DERPC: variants seen among roughly 807,000 people sequenced by gnomAD.
The protein encoded by DERPC is DERPC proline and glycine rich nuclear protein, also known as decreased expression in renal and prostate cancer protein.
In DERPC, 1 loss-of-function variant was observed where a neutral mutation model predicts 7.2. That is an observed-to-expected ratio of 0.14 (90% CI 0.05 to 0.66). DERPC has a LOEUF of 0.66. DERPC is among the 30% of genes least tolerant of loss of function. The pLI is 0.84. For missense variants in DERPC, 502 were observed against 299.4 expected (o/e 1.68, Z -4.99); for synonymous variants, 185 against 117.6 (o/e 1.57, Z -3.71).
chr16:69,121,667 T>TG (rs1961675754), intron 1 of DERPC, among the ~76,000 whole-genome samples, 174 bp from the exon 2 acceptor site: 1 of 147,306 alleles, frequency 6.8e-6, no homozygotes, highest in Admixed American at 6.8e-5. Context: ...TTAGTAGAGA[T>TG]GGGGTTTTTT....
At chr16:69,130,197 G>A (rs777442162) in intron 1 of DERPC, among the ~76,000 whole-genome samples, 2 of 152,208 alleles carry the variant, frequency 1.3e-5, no homozygotes, top group Non-Finnish European at 2.9e-5. Flanking sequence ...AGTGTGATAT[G>A]TATCCAATTA....
intron 1 of DERPC, among the ~76,000 whole-genome samples, chr16:69,129,429 CAAAAAAAAAA>C (rs11420871): frequency 1.3e-5 from 1 of 75,602 alleles, no homozygotes; most frequent in African/African-American, 4.9e-5. Context: ...GACTCCGTCA[CAAAAAAAAAA>C]AAAAAAAAAA....
intron 1 of DERPC, among the ~76,000 whole-genome samples, chr16:69,129,284 G>T (rs1962315470): frequency 6.6e-6 from 1 of 151,730 alleles, no homozygotes; most frequent in South Asian, 2.1e-4. Flanking sequence ...CAAAAAATTA[G>T]CCGGGCGTGG....
At position 69,118,963 on chromosome 16, in the gene DERPC, A is replaced by G. The variant is rs187155339; in HGVS notation, c.1466T>C (p.Phe489Ser). The G allele has an allele frequency of 1.4e-6, 1 of 703,056 alleles. No homozygotes were observed. The highest frequency in any genetic ancestry group is 2.7e-5 in the East Asian group (1 of 37,282). 43.6% of individuals were successfully genotyped at this position (703,056 alleles called of 1,614,324 possible). ...GCTCCCCACTCTAGGAAATGGGACG[A>G]AACTCTTGCCTGCAGGGCCATTCAT... Reference protein sequence around the residue: ...PRMNGPAGKSFVPFPRVGSLP... With the variant: ...PRMNGPAGKSSVPFPRVGSLP... Residue 489 changes from phenylalanine (F) to serine (S), a missense_variant, in exon 3 of 3, where the codon TTC becomes TCC. Physicochemically the swap from Phe to Ser is radical, Grantham distance 155 (BLOSUM62 -2). Transcript: ENST00000519520.
chr16:69,125,427 G>C (rs1227912592), intron 1 of DERPC, among the ~76,000 whole-genome samples: 1 of 152,004 alleles, frequency 6.6e-6, no homozygotes, highest in Non-Finnish European at 1.5e-5. Flanking sequence ...CTATGTGACA[G>C]AGTAGAAATC....
chr16:69,119,576 A>G lies in DERPC; in HGVS notation c.853T>C (p.Leu285=), dbSNP rs574628003. The G allele has an allele frequency of 2.8e-5, 20 of 702,532 alleles. No homozygotes were observed. Among genetic ancestry groups the G allele is most frequent in the South Asian group, 2.4e-4 (16 of 67,594 alleles). 43.5% of individuals were successfully genotyped at this position (702,532 alleles called of 1,614,324 possible). Residue 285 remains leucine (L), a synonymous_variant, in exon 3 of 3, where the codon TTA becomes CTA. Transcript: ENST00000519520. The stretch of plus-strand genomic sequence containing the variant: ...GAGAAAGAAGCTGAATTTGCTCCTA[A>G]AAGACCTGCTGCTCTTAGAATGGGG... ...LAPILRAAGL[L]GANSASFSQA... is the part of the protein sequence containing the mutation.
At chr16:69,126,586 T>C (rs546125429) in intron 1 of DERPC, among the ~76,000 whole-genome samples, 1 of 152,332 alleles carries the variant, frequency 6.6e-6, no homozygotes, top group African/African-American at 2.4e-5. Flanking sequence ...TGTCTTATCC[T>C]AGAACTATTG....
rs763651430 is a variant in DERPC at position 69,119,376 on chromosome 16, T to C, written c.1053A>G (p.Pro351=). Residue 351 remains proline, a synonymous_variant, in exon 3 of 3, where the codon CCA becomes CCG. Coordinates refer to ENST00000519520, the MANE Select transcript of DERPC (RefSeq NM_001002847.4). ...IGPNSAHFSR[P]VGPMGVNANP... is the part of the protein sequence containing the mutation. ...TGGCATTTACCCCCATGGGGCCAACTGGCCTTGAGAAATGAGCTGAATTAG... is the reference window on the plus strand; with the variant it reads ...TGGCATTTACCCCCATGGGGCCAACCGGCCTTGAGAAATGAGCTGAATTAG... 5.7e-6 allele frequency: 4 copies of C among 703,018 alleles called. No individual in the cohort carries two copies. Among genetic ancestry groups the C allele is most frequent in the Non-Finnish European group, 7.8e-6 (3 of 384,972 alleles). 43.5% of individuals were successfully genotyped at this position (703,018 alleles called of 1,614,324 possible).
At chr16:69,122,441 C>A (rs957368566) in intron 1 of DERPC, among the ~76,000 whole-genome samples, 5 of 151,380 alleles carry the variant, frequency 3.3e-5, no homozygotes, top group African/African-American at 1.2e-4. Context: ...GGCGCCATCT[C>A]GGCTCACTGC....
At chr16:69,123,098 C>A (rs1453589113) in intron 1 of DERPC, among the ~76,000 whole-genome samples, 1 of 152,168 alleles carries the variant, frequency 6.6e-6, no homozygotes, top group Non-Finnish European at 1.5e-5. Context: ...TCTCACTCTG[C>A]TGCCCAAGAT....
At position 69,119,146 on chromosome 16, in the gene DERPC, G is replaced by T; in HGVS notation, c.1283C>A (p.Pro428Gln). ...AGGGCCTAATGGGCCAGTAGACCTT[G>T]GGAAGGTAGTTGGACTTGGACCCTG... ...GLQGPSPTTF[P>Q]RSTGPLGPGQ... is the part of the protein sequence containing the mutation. The change falls in exon 3 of 3, where the codon CCA (proline) becomes CAA (glutamine). Residue 428 changes from proline to glutamine, a missense_variant. Pro to Gln is a moderately conservative substitution (Grantham distance 76, BLOSUM62 -1). Coordinates refer to ENST00000519520, the MANE Select transcript of DERPC (RefSeq NM_001002847.4). 1.4e-6 allele frequency: 1 copy of T among 703,012 alleles called. No homozygotes were observed. The highest frequency in any genetic ancestry group is 1.5e-5 in the South Asian group (1 of 67,530). 43.5% of individuals were successfully genotyped at this position (703,012 alleles called of 1,614,324 possible).
intron 1 of DERPC, among the ~76,000 whole-genome samples, chr16:69,123,816 A>G (rs11641912): frequency 0.15 from 22,517 of 151,652 alleles, 1,775 homozygotes; most frequent in Middle Eastern, 0.25. Context: ...GGCCGGGAGC[A>G]GTAGCTCACG....
intron 1 of DERPC, among the ~76,000 whole-genome samples, chr16:69,122,218 T>C (rs1476341480): frequency 6.6e-6 from 1 of 152,162 alleles, no homozygotes; most frequent in African/African-American, 2.4e-5. Context: ...TGAGATAGGG[T>C]TGCTTAAAAT....
intron 1 of DERPC, among the ~76,000 whole-genome samples, chr16:69,129,479 T>C (rs1278937776): frequency 6.7e-6 from 1 of 149,792 alleles, no homozygotes; most frequent in Admixed American, 6.7e-5. Context: ...AGGCAGAACA[T>C]TATTTTTATA....
chr16:69,120,143 C>T lies in DERPC; in HGVS notation c.286G>A (p.Ala96Thr), dbSNP rs766919993. ...GGATTCATCCCTCTTGGAAAAGAAGCCATACTTGGGTCACGAGCACCAGCC... is the reference window on the plus strand; with the variant it reads ...GGATTCATCCCTCTTGGAAAAGAAGTCATACTTGGGTCACGAGCACCAGCC... ...FPAGARDPSMASFPRGMNPTG... is the reference protein window; with the variant it reads ...FPAGARDPSMTSFPRGMNPTG... The change falls in exon 3 of 3, where the codon GCT becomes ACT. Residue 96 changes from alanine (A) to threonine (T), a missense_variant. Transcript: ENST00000519520. The surrounding 1 kb of genome is among the most constrained non-coding windows in gnomAD (Gnocchi z 4.0). 1.1e-5 allele frequency: 8 copies of T among 701,374 alleles called. No individual in the cohort carries two copies. In the East Asian group the frequency reaches 1.9e-4, roughly 16 times the overall value. 43.4% of individuals were successfully genotyped at this position (701,374 alleles called of 1,614,324 possible).
chr16:69,120,703 T>C lies in DERPC; in HGVS notation c.-221-54A>G, dbSNP rs1961590533. On this transcript the variant is annotated intron_variant, in intron 2 of 2. Coordinates refer to ENST00000519520, the MANE Select transcript of DERPC (RefSeq NM_001002847.4). This position sits in a 1 kb window ranked among gnomAD's most constrained non-coding sequence, Gnocchi z 4.0. ...AGGTTCCGGGGCAAGGCCATAACAC[T>C]CAGGCGCCTCCTAAAGCTGCTCTTG... 1.4e-6 allele frequency: 2 copies of C among 1,476,518 alleles called. No homozygotes were observed. Among genetic ancestry groups the C allele is most frequent in the African/African-American group, 1.4e-5 (1 of 71,914 alleles). 91.5% of individuals were successfully genotyped at this position (1,476,518 alleles called of 1,614,324 possible). A position where few individuals can be genotyped will look rare whatever the true frequency, so the allele number is the denominator to read the frequency against.
In DERPC at chr16:69,118,381, G is replaced by C. The variant is rs761089528; in HGVS notation, c.*473C>G. 1.2e-6 allele frequency: 2 copies of C among 1,611,950 alleles called. No individual in the cohort carries two copies. Among genetic ancestry groups the C allele is most frequent in the East Asian group, 4.5e-5 (2 of 44,874 alleles). Reference sequence around the variant, plus strand: ...CCCCAGGGAAAGGTATGGCAGTAGAGGATGACCAGGTCCAAGCTGCCCAGG... The same window carrying C: ...CCCCAGGGAAAGGTATGGCAGTAGACGATGACCAGGTCCAAGCTGCCCAGG... On this transcript the variant is annotated 3_prime_UTR_variant, in exon 3 of 3. Coordinates refer to ENST00000519520, the MANE Select transcript of DERPC (RefSeq NM_001002847.4).
Position 69,120,465 on chromosome 16 carries a change from C to T in DERPC, c.-37G>A, listed in dbSNP as rs1296990203. The T allele has an allele frequency of 5.0e-6, 8 of 1,613,886 alleles. No individual in the cohort carries two copies. The highest frequency in any genetic ancestry group is 2.2e-5 in the East Asian group (1 of 44,872). On this transcript the variant is annotated 5_prime_UTR_variant, in exon 3 of 3. Transcript: ENST00000519520. This position sits in a 1 kb window ranked among gnomAD's most constrained non-coding sequence, Gnocchi z 4.0. The stretch of plus-strand genomic sequence containing the variant: ...GACGCTGGTGATAATGGGCTTGGGG[C>T]GGGTTTTGAAAAGGATCTTGTCTTT...
At chr16:69,132,266 G>GC (rs1377417755) in intron 1 of DERPC, 10 of 107,062 alleles carry the variant, frequency 9.3e-5, no homozygotes, top group Admixed American at 9.0e-4. Flanking sequence ...CTCCGGGCTT[G>GC]CCCCCACCTC....
Sources: gnomAD v4.1 joint callset for allele counts (sites outside exome capture counted in the v4.1 genomes callset) on GRCh38, gnomAD v4.1.1 for gene constraint, Gnocchi (gnomAD v3.1) non-coding constraint, MANE v1.5 for transcripts, NCBI Gene and HGNC (gene_info 2026-07-23, HGNC 2026-07-21) for gene names.